The following RANBP2 variants were observed in gnomAD, a reference collection of about 807,000 sequenced individuals.
RANBP2 encodes the protein E3 SUMO-protein ligase RanBP2.
In RANBP2, 57 loss-of-function variants were observed where a neutral mutation model predicts 303.6. The observed-to-expected ratio is 0.19, with a 90% CI of 0.15 to 0.23. The LOEUF (loss-of-function observed/expected upper bound fraction) is 0.23, where lower values mean the gene tolerates loss of function less well. RANBP2 is among the 10% of genes least tolerant of loss of function. The pLI is 1.00. For missense variants in RANBP2, 3,138 were observed against 3,780.8 expected (o/e 0.83, Z 4.46); for synonymous variants, 1,167 against 1,301.5 (o/e 0.90, Z 2.23).
chr2:109,171,910 A>G, the RANBP2 span, among the ~76,000 whole-genome samples: 8 of 152,364 alleles, frequency 5.3e-5, no homozygotes, highest in African/African-American at 1.7e-4. Context: ...CATAAAGGGC[A>G]TGCATGTGCC....
the RANBP2 span, among the ~76,000 whole-genome samples, chr2:109,536,774 G>A: frequency 6.6e-6 from 1 of 152,148 alleles, no homozygotes; most frequent in Non-Finnish European, 1.5e-5. Context: ...GGAAACAGTG[G>A]GAGGTAATTG....
intron 6 of RANBP2, among the ~76,000 whole-genome samples, chr2:108,738,384 C>A (rs1165632754): frequency 6.6e-6 from 1 of 151,564 alleles, no homozygotes. Flanking sequence ...TGGTCCTGAT[C>A]TCTTGACCTC....
At chr2:108,811,247 C>CTCTTTTTTTTTTTTTTTTTTTTTTTTTTT in the RANBP2 span, among the ~76,000 whole-genome samples, 27 of 113,894 alleles carry the variant, frequency 2.4e-4, no homozygotes, top group African/African-American at 3.0e-4. Context: ...TTCTCTCTCT[C>CTCTTTTTTTTTTTTTTTTTTTTTTTTTTT]TTTTTTTTTT....
chr2:108,814,975 C>G, the RANBP2 span, among the ~76,000 whole-genome samples: 1 of 151,916 alleles, frequency 6.6e-6, no homozygotes, highest in East Asian at 1.9e-4. Context: ...TAGTTCCCTC[C>G]TTAAGGTGGA....
the RANBP2 span, among the ~76,000 whole-genome samples, chr2:109,395,202 C>T: frequency 6.6e-6 from 1 of 152,238 alleles, no homozygotes; most frequent in East Asian, 1.9e-4. Flanking sequence ...TATGGCAAGC[C>T]TGGTCCCCAG....
chr2:109,191,755 A>C, the RANBP2 span, among the ~76,000 whole-genome samples: 1 of 152,330 alleles, frequency 6.6e-6, no homozygotes, highest in Admixed American at 6.5e-5. Context: ...AGGCTCCAGC[A>C]GTCACAGGGA....
the RANBP2 span, among the ~76,000 whole-genome samples, chr2:109,125,496 C>A: frequency 6.6e-6 from 1 of 152,220 alleles, no homozygotes; most frequent in Non-Finnish European, 1.5e-5. Flanking sequence ...GATCCCTTAC[C>A]ACATCGTCAT....
the RANBP2 span, among the ~76,000 whole-genome samples, chr2:109,348,153 G>A: frequency 1.3e-5 from 2 of 152,162 alleles, no homozygotes; most frequent in African/African-American, 4.8e-5. Context: ...GAATGCTATG[G>A]AGGGCACCAG....
At chr2:109,560,729 C>T in the RANBP2 span, among the ~76,000 whole-genome samples, 1 of 152,142 alleles carries the variant, frequency 6.6e-6, no homozygotes, top group African/African-American at 2.4e-5. Flanking sequence ...CACAAAAAAG[C>T]TAGTCCTCCT....
chr2:109,231,183 G>A, the RANBP2 span, among the ~76,000 whole-genome samples: 7 of 152,338 alleles, frequency 4.6e-5, no homozygotes, highest in African/African-American at 4.8e-5. Context: ...CGGCTTTGCC[G>A]AAGTCTCGGA....
At chr2:108,909,697 A>G in the RANBP2 span, among the ~76,000 whole-genome samples, 1 of 152,232 alleles carries the variant, frequency 6.6e-6, no homozygotes, top group Non-Finnish European at 1.5e-5. Context: ...ACCAAGTCCA[A>G]ATGACCATCC....
chr2:109,202,361 C>A, the RANBP2 span, among the ~76,000 whole-genome samples: 2 of 152,176 alleles, frequency 1.3e-5, no homozygotes, highest in Non-Finnish European at 2.9e-5. Flanking sequence ...TTGGGCTTTC[C>A]ACTCTCTGTT....
the RANBP2 span, among the ~76,000 whole-genome samples, chr2:109,031,919 C>T: frequency 6.7e-6 from 1 of 148,822 alleles, no homozygotes; most frequent in Admixed American, 6.7e-5. Context: ...TCCCCTCCCC[C>T]CACATCCGTT....
At chr2:108,865,786 T>G in the RANBP2 span, among the ~76,000 whole-genome samples, 11 of 152,256 alleles carry the variant, frequency 7.2e-5, no homozygotes, top group African/African-American at 2.6e-4. Context: ...CTGGGGTTTT[T>G]GCCTGCTTAC....
the RANBP2 span, among the ~76,000 whole-genome samples, chr2:109,076,897 A>G: frequency 2.7e-5 from 4 of 150,578 alleles, no homozygotes; most frequent in African/African-American, 7.3e-5. Context: ...AACAATTCTG[A>G]AATTTATATG....
At position 108,719,628 on chromosome 2, in the gene RANBP2, G is replaced by A. The variant is rs371399131; in HGVS notation, c.22G>A (p.Val8Met). 1 of 1,608,036 alleles carries A rather than the reference G, an allele frequency of 6.2e-7. No homozygotes were observed. Among genetic ancestry groups the A allele is most frequent in the Non-Finnish European group, 8.5e-7 (1 of 1,178,356 alleles). The change falls in exon 1 of 29, where the codon GTG (valine) becomes ATG (methionine). Residue 8 changes from valine (V) to methionine (M), a missense_variant. Coordinates refer to ENST00000283195, the MANE Select transcript of RANBP2 (RefSeq NM_006267.5). The part of the protein sequence containing the change: MRRSKAD[V>M]ERYIASVQGS... ...CGCGATGAGGCGCAGCAAGGCTGAC[G>A]TGGAGCGGTACATCGCCTCGGTGCA...
At chr2:109,633,139 C>G in the RANBP2 span, among the ~76,000 whole-genome samples, 1 of 152,084 alleles carries the variant, frequency 6.6e-6, no homozygotes, top group Non-Finnish European at 1.5e-5. Flanking sequence ...CACCTGTAAT[C>G]CCAGAACTTT....
At chr2:109,001,778 T>C in the RANBP2 span, among the ~76,000 whole-genome samples, 1 of 152,204 alleles carries the variant, frequency 6.6e-6, no homozygotes, top group Non-Finnish European at 1.5e-5. Context: ...TCGCCCAGAC[T>C]AGAGTGCAGA....
chr2:108,742,934 A>G (rs916250542), intron 7 of RANBP2, among the ~76,000 whole-genome samples: 13 of 151,718 alleles, frequency 8.6e-5, no homozygotes, highest in Admixed American at 2.6e-4. Flanking sequence ...GACTACAGGC[A>G]CCCACCACCA....
Sources: gnomAD v4.1 joint callset for allele counts (sites outside exome capture counted in the v4.1 genomes callset) on GRCh38, gnomAD v4.1.1 for gene constraint, MANE v1.5 for transcripts, NCBI Gene and HGNC (gene_info 2026-07-23, HGNC 2026-07-21) for gene names.